TNKS2: variants seen among roughly 807,000 people sequenced by gnomAD.
The protein encoded by TNKS2 is tankyrase 2.
TNKS2 carries 72 observed loss-of-function variants against 137.6 expected under a neutral mutation model. That is an observed-to-expected ratio of 0.52 (90% CI 0.43 to 0.64). TNKS2 has a LOEUF of 0.64. Among genes scored for constraint, TNKS2 ranks in the 30% least tolerant of loss-of-function variants. The probability of loss-of-function intolerance (pLI) is 0.00; values close to 1 mark genes in which losing one functional copy is unlikely to be tolerated. For missense variants in TNKS2, 1,049 were observed against 1,410.2 expected (o/e 0.74, Z 4.10); for synonymous variants, 516 against 512.1 (o/e 1.01, Z -0.10).
intron 20 of TNKS2, among the ~76,000 whole-genome samples, chr10:91,850,079 C>A (rs1842495227): frequency 6.6e-6 from 1 of 152,064 alleles, no homozygotes; most frequent in Admixed American, 6.6e-5. Flanking sequence ...AGAATAAGAA[C>A]ATATGGCCGG....
intron 8 of TNKS2, among the ~76,000 whole-genome samples, chr10:91,827,478 A>G (rs1392377443): frequency 6.6e-6 from 1 of 152,154 alleles, no homozygotes; most frequent in Non-Finnish European, 1.5e-5. Flanking sequence ...AAATGAAAGC[A>G]TTTGTTTTGC....
intron 13 of TNKS2, 45 bp from the exon 14 acceptor site, chr10:91,840,516 C>A: frequency 2.0e-6 from 3 of 1,536,132 alleles, no homozygotes; most frequent in South Asian, 1.2e-5. Flanking sequence ...CAAGAAATAA[C>A]AATATGTAGA....
At chr10:91,845,130 G>A in intron 17 of TNKS2, 102 bp downstream of exon 17, 1 of 775,562 alleles carries the variant, frequency 1.3e-6, no homozygotes, top group South Asian at 1.6e-5. Context: ...ATTTTACAGA[G>A]AAGTAAGTGG....
Position 91,822,347 on chromosome 10 carries a change from T to A in TNKS2, c.780T>A (p.Thr260=). ...NACSYGHYEV[T]ELLVKHGACV... ...GTTCTTATGGTCATTATGAAGTAACTGAACTTTTGGTCAAGGTTAGTGCTC... is the reference window on the plus strand; with the variant it reads ...GTTCTTATGGTCATTATGAAGTAACAGAACTTTTGGTCAAGGTTAGTGCTC... The change falls in exon 7 of 27, where the codon ACT becomes ACA. Residue 260 remains threonine (T), a synonymous_variant. Coordinates refer to ENST00000371627, the MANE Select transcript of TNKS2 (RefSeq NM_025235.4). 1 of 1,613,482 alleles carries A rather than the reference T, an allele frequency of 6.2e-7. No homozygotes were observed. The highest frequency in any genetic ancestry group is 1.3e-5 in the African/African-American group (1 of 75,034).
intron 21 of TNKS2, among the ~76,000 whole-genome samples, chr10:91,852,240 TAAATA>T (rs1240377477): frequency 6.8e-6 from 1 of 147,336 alleles, no homozygotes; most frequent in Non-Finnish European, 1.5e-5. Context: ...AAAAAATAAA[TAAATA>T]ATATAAAAAA....
At chr10:91,836,000 C>CGTGTGT (rs58777939) in intron 12 of TNKS2, among the ~76,000 whole-genome samples, 198 of 113,060 alleles carry the variant, frequency 1.8e-3, no homozygotes, top group Middle Eastern at 5.8e-3. Flanking sequence ...ATAAGAATAC[C>CGTGTGT]GTGTGTGTGT....
intron 13 of TNKS2, among the ~76,000 whole-genome samples, chr10:91,839,097 C>T (rs1216148209): frequency 6.6e-6 from 1 of 152,172 alleles, no homozygotes; most frequent in Non-Finnish European, 1.5e-5. Context: ...GAACTCCTGA[C>T]CTCAGGTGAT....
At chr10:91,824,987 T>C (rs984562390) in intron 7 of TNKS2, among the ~76,000 whole-genome samples, 1 of 152,218 alleles carries the variant, frequency 6.6e-6, no homozygotes, top group African/African-American at 2.4e-5. Context: ...AATAGTAGAA[T>C]AGTATTGCAA....
At chr10:91,801,241 C>T (rs891585320) in intron 1 of TNKS2, among the ~76,000 whole-genome samples, 4 of 152,132 alleles carry the variant, frequency 2.6e-5, no homozygotes, top group East Asian at 1.9e-4. Flanking sequence ...AAGAATAATC[C>T]GTTGCTAGCA....
At chr10:91,802,377 G>T (rs1406150030) in intron 1 of TNKS2, among the ~76,000 whole-genome samples, 1 of 152,180 alleles carries the variant, frequency 6.6e-6, no homozygotes, top group Non-Finnish European at 1.5e-5. Context: ...AAGAGTGAGT[G>T]GATATTACTT....
chr10:91,833,774 TAA>T (rs1841897886), intron 11 of TNKS2, 77 bp from the exon 12 acceptor site: 2 of 1,175,566 alleles, frequency 1.7e-6, no homozygotes, highest in East Asian at 5.3e-5. Context: ...TTAAAAGTAG[TAA>T]AAAGTGTTAA....
intron 12 of TNKS2, among the ~76,000 whole-genome samples, chr10:91,836,288 T>C (rs561006330): frequency 3.9e-5 from 6 of 152,278 alleles, no homozygotes; most frequent in Middle Eastern, 3.4e-3. Flanking sequence ...TTCCATGTTA[T>C]GAAAATATTC....
At chr10:91,838,331 C>G (rs141363588) in intron 13 of TNKS2, among the ~76,000 whole-genome samples, 44 of 152,190 alleles carry the variant, frequency 2.9e-4, no homozygotes, top group African/African-American at 9.9e-4. Flanking sequence ...TTTAAAATCA[C>G]TTGATGGACA....
chr10:91,801,313 A>G (rs1479820841), intron 1 of TNKS2, among the ~76,000 whole-genome samples: 1 of 152,172 alleles, frequency 6.6e-6, no homozygotes, highest in Non-Finnish European at 1.5e-5. Context: ...TTTTCCTTCT[A>G]CTAGGTGTTT....
At chr10:91,816,234 C>T (rs183305156) in intron 2 of TNKS2, among the ~76,000 whole-genome samples, 15 of 152,234 alleles carry the variant, frequency 9.9e-5, no homozygotes, top group African/African-American at 4.8e-5. Flanking sequence ...AGGCGTGAGC[C>T]ACCACACCCA....
At chr10:91,833,356 T>C (rs1310246525) in intron 11 of TNKS2, among the ~76,000 whole-genome samples, 9 of 152,228 alleles carry the variant, frequency 5.9e-5, no homozygotes, top group Admixed American at 5.9e-4. Flanking sequence ...AGTAGTTTGT[T>C]CCTTTTTATT....
chr10:91,818,760 T>C (rs1844790122), intron 3 of TNKS2, among the ~76,000 whole-genome samples: 1 of 152,160 alleles, frequency 6.6e-6, no homozygotes, highest in African/African-American at 2.4e-5. Flanking sequence ...CTCTAACTCT[T>C]GGGCTCAAGC....
intron 13 of TNKS2, 70 bp from the exon 14 acceptor site, chr10:91,840,491 C>A: frequency 7.2e-7 from 1 of 1,396,196 alleles, no homozygotes; most frequent in Non-Finnish European, 9.8e-7. Flanking sequence ...AAAATTCCTA[C>A]TAAATGACTT....
At chr10:91,829,674 T>C (rs1046605474) in intron 9 of TNKS2, among the ~76,000 whole-genome samples, 1 of 152,188 alleles carries the variant, frequency 6.6e-6, no homozygotes, top group Non-Finnish European at 1.5e-5. Context: ...TGTTCTCCAA[T>C]TAGAATTGGT....
Sources: allele counts gnomAD v4.1 joint callset (sites outside exome capture counted in the v4.1 genomes callset), GRCh38; gene constraint gnomAD v4.1.1; transcripts MANE v1.5; gene names NCBI Gene and HGNC (gene_info 2026-07-23, HGNC 2026-07-21).